The following TAFA4 variants were observed in gnomAD, a reference collection of about 807,000 sequenced individuals.
TAFA4 encodes chemokine-like protein TAFA-4.
In TAFA4, 20 loss-of-function variants were observed where a neutral mutation model predicts 21.1. The ratio of observed to expected loss-of-function variants is 0.95; its 90% confidence interval spans 0.67 to 1.38. TAFA4 has a LOEUF of 1.38. Ranked by LOEUF, TAFA4 falls within the 40% of genes most tolerant of loss-of-function variation. The pLI, the probability that TAFA4 is intolerant of heterozygous loss-of-function variation, is 0.00. For missense variants in TAFA4, 211 were observed against 180.9 expected (o/e 1.17, Z -0.95); for synonymous variants, 71 against 67.4 (o/e 1.05, Z -0.26).
chr3:68,828,461 C>T (rs1194399179), intron 3 of TAFA4, among the ~76,000 whole-genome samples: 1 of 152,034 alleles, frequency 6.6e-6, no homozygotes, highest in African/African-American at 2.4e-5. Context: ...TATAAATTAC[C>T]TTGGGCAGTA....
chr3:68,762,866 C>T (rs1011427212), intron 3 of TAFA4, among the ~76,000 whole-genome samples: 2 of 152,198 alleles, frequency 1.3e-5, no homozygotes, highest in African/African-American at 4.8e-5. Context: ...TGGCAAAACC[C>T]GTCCCTGCTA....
At position 68,885,143 on chromosome 3, in the gene TAFA4, T is replaced by C. The variant is rs769180494; in HGVS notation, c.14+32A>G. On this transcript the variant is annotated intron_variant, in intron 2 of 5. Transcript: ENST00000295569. ...AAATTCTCAATACTTTGTAAAGATA[T>C]CATGTCCAGGTGAACGTTAAAATAA... is the stretch of plus-strand genomic sequence containing the variant. 1.5e-5 allele frequency: 24 copies of C among 1,608,546 alleles called. No homozygotes were observed. In the Admixed American group the frequency reaches 3.7e-4, roughly 25 times the overall value.
chr3:68,805,153 A>C (rs913688451), intron 3 of TAFA4, among the ~76,000 whole-genome samples: 4 of 152,278 alleles, frequency 2.6e-5, no homozygotes, highest in African/African-American at 9.6e-5. Flanking sequence ...GGATATGAAC[A>C]GACACTTCTC....
At chr3:68,773,592 C>A (rs921217885) in intron 3 of TAFA4, among the ~76,000 whole-genome samples, 2 of 152,154 alleles carry the variant, frequency 1.3e-5, no homozygotes, top group Non-Finnish European at 2.9e-5. Flanking sequence ...GACCTGCCCC[C>A]ACCTGAAGCT....
At chr3:68,811,871 G>T (rs1283924884) in intron 3 of TAFA4, among the ~76,000 whole-genome samples, 1 of 152,070 alleles carries the variant, frequency 6.6e-6, no homozygotes, top group Non-Finnish European at 1.5e-5. Flanking sequence ...ACACACAATT[G>T]TCAGATTCAC....
At position 68,752,952 on chromosome 3, in the gene TAFA4, C is replaced by T. The variant is rs368834384; in HGVS notation, c.197G>A (p.Arg66His). The change falls in exon 4 of 6, where the codon CGC (arginine) becomes CAC (histidine). Residue 66 changes from arginine (R) to histidine (H), a missense_variant. Arg to His is a conservative substitution (Grantham distance 29). Transcript: ENST00000295569. ...GACCGTTTGTGACCGCTCTTCTATG[C>T]GGTTCTTATTGCAGCACCTGTGCAC... is the stretch of plus-strand genomic sequence containing the variant. ...VAVHRCCNKN[R>H]IEERSQTVKC... is the part of the protein sequence containing the mutation. 7.4e-5 allele frequency: 119 copies of T among 1,614,048 alleles called. 1 individual carries two copies. The East Asian group carries it at 1.1e-3, about 15-fold the overall frequency.
chr3:68,863,454 A>G (rs552449002), intron 3 of TAFA4, among the ~76,000 whole-genome samples: 3 of 152,310 alleles, frequency 2.0e-5, no homozygotes, highest in African/African-American at 7.2e-5. Flanking sequence ...GAGACACTTT[A>G]TCCAATCCAG....
chr3:68,916,643 T>C (rs2090007473), intron 1 of TAFA4, among the ~76,000 whole-genome samples: 1 of 152,230 alleles, frequency 6.6e-6, no homozygotes, highest in South Asian at 2.1e-4. Flanking sequence ...TGTTGTTCTT[T>C]TTGCAAAAAT....
chr3:68,784,927 G>A (rs1303214518), intron 3 of TAFA4, among the ~76,000 whole-genome samples: 1 of 152,022 alleles, frequency 6.6e-6, no homozygotes, highest in Admixed American at 6.5e-5. Flanking sequence ...GCTAGATACA[G>A]AGTGTCGATT....
rs1367251967 is a variant in TAFA4, at chr3:68,892,320, A to T, written c.-122-7010T>A. On this transcript the variant is annotated intron_variant, in intron 1 of 5. Coordinates refer to ENST00000295569, the MANE Select transcript of TAFA4 (RefSeq NM_182522.5). ...GTATGTTGTAAATGAGCCATTAAAG[A>T]CAATAACTGTCTATTAAATATTAAA... Among the ~76,000 whole-genome samples the T allele has an allele frequency of 2.6e-5, 4 of 152,206 alleles. No individual in the cohort carries two copies. In the East Asian group the frequency reaches 7.7e-4, roughly 29 times the overall value.
intron 3 of TAFA4, among the ~76,000 whole-genome samples, chr3:68,814,607 G>C (rs531234897): frequency 4.9e-4 from 74 of 152,238 alleles, no homozygotes; most frequent in Non-Finnish European, 5.9e-5. Flanking sequence ...AACTTACAAG[G>C]AATGTGAAGG....
chr3:68,873,337 T>TACATACACACACACACACACACACAC (rs1208450049), intron 3 of TAFA4, among the ~76,000 whole-genome samples: 1 of 133,422 alleles, frequency 7.5e-6, no homozygotes, highest in Non-Finnish European at 1.6e-5. Context: ...CACGCAGACA[T>TACATACACACACACACACACACACAC]ACACACACAC....
At chr3:68,921,847 C>T (rs1342696396) in intron 1 of TAFA4, among the ~76,000 whole-genome samples, 1 of 152,208 alleles carries the variant, frequency 6.6e-6, no homozygotes, top group Non-Finnish European at 1.5e-5. Context: ...AGGCTGGTTA[C>T]ATGCTACGTA....
chr3:68,920,985 T>C (rs1269081037), intron 1 of TAFA4, among the ~76,000 whole-genome samples: 2 of 152,156 alleles, frequency 1.3e-5, no homozygotes, highest in Admixed American at 6.5e-5. Flanking sequence ...CTTCTAACTG[T>C]CTGGGGTTGA....
At chr3:68,812,481 T>G (rs971685920) in intron 3 of TAFA4, among the ~76,000 whole-genome samples, 1 of 151,954 alleles carries the variant, frequency 6.6e-6, no homozygotes, top group Non-Finnish European at 1.5e-5. Flanking sequence ...TGGAGGAAGA[T>G]CTACCAAGCA....
intron 1 of TAFA4, among the ~76,000 whole-genome samples, chr3:68,888,507 A>G (rs558220423): frequency 6.6e-6 from 1 of 152,100 alleles, no homozygotes; most frequent in African/African-American, 2.4e-5. Flanking sequence ...CTGCTTCCAC[A>G]TTTTCAAGTA....
intron 3 of TAFA4, among the ~76,000 whole-genome samples, chr3:68,806,492 C>T (rs186476580): frequency 6.6e-6 from 1 of 152,122 alleles, no homozygotes; most frequent in African/African-American, 2.4e-5. Context: ...AGTTTTTACC[C>T]TAACTCTTTT....
At chr3:68,791,138 C>A (rs1001100345) in intron 3 of TAFA4, among the ~76,000 whole-genome samples, 12 of 152,198 alleles carry the variant, frequency 7.9e-5, no homozygotes, top group Non-Finnish European at 1.5e-4. Context: ...GTCACACTGT[C>A]CATGCTCTCT....
chr3:68,785,749 C>T (rs1703245917), intron 3 of TAFA4, among the ~76,000 whole-genome samples: 1 of 152,222 alleles, frequency 6.6e-6, no homozygotes, highest in Admixed American at 6.5e-5. Context: ...TCCTCAAGTG[C>T]CACCAAAGTG....
Sources: allele counts gnomAD v4.1 joint callset (sites outside exome capture counted in the v4.1 genomes callset), GRCh38; gene constraint gnomAD v4.1.1; transcripts MANE v1.5; gene names NCBI Gene and HGNC (gene_info 2026-07-23, HGNC 2026-07-21).